Variants in CSTPP1 observed in about 807,000 individuals in gnomAD.
CSTPP1 encodes centriolar satellite-associated tubulin polyglutamylase complex regulator 1, also known as UPF0705 protein C11orf49.
chr11:46,974,504 G>T, the CSTPP1 span, among the ~76,000 whole-genome samples: 1 of 137,942 alleles, frequency 7.2e-6, no homozygotes, highest in African/African-American at 2.7e-5. Context: ...TCCAGCCTGG[G>T]CAAAAGAGCG....
At chr11:47,020,442 G>A in the CSTPP1 span, among the ~76,000 whole-genome samples, 1 of 151,706 alleles carries the variant, frequency 6.6e-6, no homozygotes, top group African/African-American at 2.4e-5. Flanking sequence ...GATAAGTTTT[G>A]TGCCCTGTTG....
the CSTPP1 span, among the ~76,000 whole-genome samples, chr11:47,049,235 C>G: frequency 6.6e-6 from 1 of 152,068 alleles, no homozygotes; most frequent in Admixed American, 6.5e-5. Context: ...AGCCCACCCA[C>G]CTCAGCCTTC....
At chr11:47,157,205 C>G in the CSTPP1 span, 6 of 1,590,208 alleles carry the variant, frequency 3.8e-6, no homozygotes, top group African/African-American at 1.3e-5. Flanking sequence ...CCTGTGTGAT[C>G]GGCACAAGTA....
chr11:47,064,807 C>T, the CSTPP1 span, among the ~76,000 whole-genome samples: 3 of 152,196 alleles, frequency 2.0e-5, no homozygotes, highest in East Asian at 1.9e-4. Context: ...TGCAGTGGCA[C>T]GATCTCAGCT....
chr11:47,047,298 AG>A, the CSTPP1 span, among the ~76,000 whole-genome samples: 1 of 152,242 alleles, frequency 6.6e-6, no homozygotes, highest in Admixed American at 6.5e-5. Flanking sequence ...TCTTGAAAAA[AG>A]AATATAAAAT....
the CSTPP1 span, among the ~76,000 whole-genome samples, chr11:47,063,434 C>T: frequency 1.3e-5 from 2 of 152,158 alleles, no homozygotes; most frequent in Non-Finnish European, 2.9e-5. Flanking sequence ...CTCCAAAACT[C>T]TTTATCTTGC....
the CSTPP1 span, among the ~76,000 whole-genome samples, chr11:47,074,501 G>GAAAAAAAAAAAAAAAAAGA: frequency 8.7e-6 from 1 of 115,200 alleles, no homozygotes; most frequent in Non-Finnish European, 1.8e-5. Context: ...TCCTGTCTCA[G>GAAAAAAAAAAAAAAAAAGA]AAAAAAAAAA....
At chr11:46,994,001 T>C in the CSTPP1 span, among the ~76,000 whole-genome samples, 1 of 152,226 alleles carries the variant, frequency 6.6e-6, no homozygotes, top group Non-Finnish European at 1.5e-5. Context: ...ACATCCCTTG[T>C]AAGTTGGATT....
At chr11:47,112,152 G>A in the CSTPP1 span, among the ~76,000 whole-genome samples, 11 of 152,110 alleles carry the variant, frequency 7.2e-5, no homozygotes, top group Non-Finnish European at 2.9e-5. Flanking sequence ...CTTCACTTGA[G>A]TGTTACCTTC....
the CSTPP1 span, among the ~76,000 whole-genome samples, chr11:47,038,224 C>T: frequency 1.9e-5 from 2 of 106,290 alleles, no homozygotes; most frequent in Non-Finnish European, 4.6e-5. Flanking sequence ...CCAGTAGGGG[C>T]GGCCGGCCAG....
At chr11:47,041,905 G>C in the CSTPP1 span, 1 of 299,072 alleles carries the variant, frequency 3.3e-6, no homozygotes, top group African/African-American at 2.1e-5. Flanking sequence ...ACTTAAGGCT[G>C]CATTTCTCAA....
At chr11:47,004,343 C>CT in the CSTPP1 span, 10 of 148,786 alleles carry the variant, frequency 6.7e-5, no homozygotes, top group East Asian at 2.0e-4. Flanking sequence ...ACCCAGCTAA[C>CT]TTTTTTTTTT....
chr11:47,073,454 G>A, the CSTPP1 span, among the ~76,000 whole-genome samples: 2 of 152,196 alleles, frequency 1.3e-5, no homozygotes. Flanking sequence ...AGCACTTTGG[G>A]GGGCCAGGGT....
chr11:47,039,321 C>G, the CSTPP1 span, among the ~76,000 whole-genome samples: 6 of 127,802 alleles, frequency 4.7e-5, 2 homozygotes, highest in East Asian at 4.2e-4. Flanking sequence ...GCCAACACAG[C>G]GAAACCCCGT....
chr11:47,120,882 A>C, the CSTPP1 span, among the ~76,000 whole-genome samples: 1 of 152,246 alleles, frequency 6.6e-6, no homozygotes, highest in Non-Finnish European at 1.5e-5. The surrounding 1 kb of genome is among the most constrained non-coding windows in gnomAD (Gnocchi z 4.2). Context: ...TAGAGACAGT[A>C]AACATCCAAA....
At chr11:47,142,087 A>C in the CSTPP1 span, among the ~76,000 whole-genome samples, 1 of 151,904 alleles carries the variant, frequency 6.6e-6, no homozygotes, top group African/African-American at 2.4e-5. Context: ...TACTAAAAAT[A>C]CAAAAATTAG....
chr11:47,134,913 A>G, the CSTPP1 span, among the ~76,000 whole-genome samples: 1 of 152,170 alleles, frequency 6.6e-6, no homozygotes, highest in African/African-American at 2.4e-5. Flanking sequence ...GTTCAAGACT[A>G]GCCTGGGTGA....
the CSTPP1 span, among the ~76,000 whole-genome samples, chr11:47,073,643 G>A: frequency 6.6e-6 from 1 of 152,260 alleles, no homozygotes; most frequent in African/African-American, 2.4e-5. Context: ...GGCAGCATGA[G>A]CGCTAAAGTG....
At chr11:47,161,844 T>TATCA in the CSTPP1 span, 16 of 1,364,728 alleles carry the variant, frequency 1.2e-5, no homozygotes, top group South Asian at 8.9e-5. Context: ...TCCCTGGCCC[T>TATCA]ATCAGCCTGT....
Sources: gnomAD v4.1 joint callset for allele counts (sites outside exome capture counted in the v4.1 genomes callset) on GRCh38, gnomAD v4.1.1 for gene constraint, Gnocchi (gnomAD v3.1) non-coding constraint, MANE v1.5 for transcripts, NCBI Gene and HGNC (gene_info 2026-07-23, HGNC 2026-07-21) for gene names.